Variants in GRID2 observed in about 807,000 individuals in gnomAD.
GRID2 encodes the protein glutamate ionotropic receptor delta type subunit 2.
In GRID2, 33 loss-of-function variants were observed where a neutral mutation model predicts 114.8. The ratio of observed to expected loss-of-function variants is 0.29; its 90% CI spans 0.22 to 0.38. The LOEUF is 0.38. GRID2 is among the 10% of genes least tolerant of loss of function. The pLI is 1.00. For synonymous variants in GRID2, 505 were observed against 449.9 expected, an observed-to-expected ratio of 1.12 and a Z score of -1.55; for missense variants, 1,184 against 1,257.7, an observed-to-expected ratio of 0.94 and a Z score of 0.89.
At chr4:93,029,825 G>C (rs1442791166) in intron 2 of GRID2, among the ~76,000 whole-genome samples, 1 of 152,100 alleles carries the variant, frequency 6.6e-6, no homozygotes, top group East Asian at 1.9e-4. Flanking sequence ...CTTCTGCCCA[G>C]TCTCTCAAAA....
At chr4:93,801,534 G>T (rs1182209194) in intron 1 of GRID2, among the ~76,000 whole-genome samples, 1 of 151,920 alleles carries the variant, frequency 6.6e-6, no homozygotes, top group Admixed American at 6.5e-5. Flanking sequence ...TACACAAATG[G>T]ATTTACTGAT....
At chr4:93,749,416 A>G (rs926260522) in intron 14 of GRID2, among the ~76,000 whole-genome samples, 1 of 152,220 alleles carries the variant, frequency 6.6e-6, no homozygotes, top group Non-Finnish European at 1.5e-5. Context: ...GTGAAAGTTC[A>G]GTGACTGACA....
rs1757043394 is a variant in GRID2, at chr4:93,319,948, C to A, written c.1246-75659C>A. ...AAGCAAACCATCCAGGCTGCCCAGA[C>A]TTTTGACCTATAGAACTGTGAGATA... On this transcript the variant is annotated intron_variant, in intron 8 of 15. Coordinates refer to ENST00000282020, the MANE Select transcript of GRID2 (RefSeq NM_001510.4). 2.0e-5 allele frequency among the ~76,000 whole-genome samples: 3 copies of A among 152,174 alleles called. No homozygotes were observed. In the South Asian group the frequency reaches 6.2e-4, roughly 32 times the overall value.
intron 2 of GRID2, among the ~76,000 whole-genome samples, chr4:92,686,246 C>T (rs1246570778): frequency 1.3e-5 from 2 of 151,932 alleles, no homozygotes; most frequent in South Asian, 2.1e-4. Context: ...ATAGAGAAAG[C>T]ACATCACCAT....
chr4:92,974,164 G>T (rs147813496), intron 2 of GRID2, among the ~76,000 whole-genome samples: 1,656 of 152,190 alleles, frequency 0.011, 10 homozygotes, highest in Admixed American at 0.018. Flanking sequence ...TTAGAATGGC[G>T]ATCATTAAGA....
chr4:92,849,716 A>AG (rs1743617714), intron 2 of GRID2, among the ~76,000 whole-genome samples: 1 of 151,824 alleles, frequency 6.6e-6, no homozygotes, highest in Non-Finnish European at 1.5e-5. Flanking sequence ...CCAAGACATT[A>AG]TAATCTCTAC....
intron 13 of GRID2, among the ~76,000 whole-genome samples, chr4:93,593,330 A>G (rs1578343902): frequency 7.2e-6 from 1 of 139,642 alleles, no homozygotes; most frequent in East Asian, 2.0e-4. Context: ...GTTTGGCTGG[A>G]TATGAAATTC....
intron 4 of GRID2, among the ~76,000 whole-genome samples, chr4:93,154,279 A>G (rs950098074): frequency 6.6e-6 from 1 of 152,048 alleles, no homozygotes; most frequent in African/African-American, 2.4e-5. Flanking sequence ...TGCAGCTTCA[A>G]ACCCTCCAGT....
intron 2 of GRID2, among the ~76,000 whole-genome samples, chr4:92,909,563 T>G (rs577547874): frequency 2.9e-4 from 44 of 152,236 alleles, no homozygotes; most frequent in South Asian, 6.2e-4. Context: ...ATTTCCACAT[T>G]CTAGGAAACT....
intron 14 of GRID2, among the ~76,000 whole-genome samples, chr4:93,752,964 T>C (rs1732453723): frequency 6.6e-6 from 1 of 152,152 alleles, no homozygotes; most frequent in African/African-American, 2.4e-5. Context: ...GATCATACCC[T>C]GACTTATCAT....
At chr4:93,386,394 C>T (rs1764315545) in intron 8 of GRID2, among the ~76,000 whole-genome samples, 1 of 152,068 alleles carries the variant, frequency 6.6e-6, no homozygotes, top group Non-Finnish European at 1.5e-5. Context: ...TGGCACAATA[C>T]CTGCCTCATA....
intron 13 of GRID2, among the ~76,000 whole-genome samples, chr4:93,603,235 G>A (rs1017174103): frequency 1.3e-5 from 2 of 151,990 alleles, no homozygotes; most frequent in African/African-American, 4.8e-5. Context: ...GAAAAGAAAA[G>A]AAAAGAACGT....
chr4:92,316,062 A>G (rs1725964789), intron 1 of GRID2, among the ~76,000 whole-genome samples: 1 of 151,854 alleles, frequency 6.6e-6, no homozygotes, highest in Non-Finnish European at 1.5e-5. Flanking sequence ...TTTAAAGCGA[A>G]TTAAAATCCA....
At chr4:92,365,614 A>G (rs750118020) in intron 1 of GRID2, among the ~76,000 whole-genome samples, 1 of 152,058 alleles carries the variant, frequency 6.6e-6, no homozygotes, top group Non-Finnish European at 1.5e-5. Flanking sequence ...ATATTGTATT[A>G]TATATTTCAA....
rs141211552 is a variant in GRID2 at position 93,461,483 on chromosome 4, A to G, written c.1858+5509A>G. 8.6e-4 allele frequency among the ~76,000 whole-genome samples: 131 copies of G among 152,262 alleles called. 1 individual carries two copies. Among genetic ancestry groups the G allele is most frequent in the African/African-American group, 3.1e-3 (128 of 41,590 alleles). ...GAATTGCAGTCTTCATTGAGCCACT[A>G]TACCAGATTGAATAGGGATAAAGAG... On this transcript the variant is annotated intron_variant, in intron 11 of 15. Coordinates refer to ENST00000282020, the MANE Select transcript of GRID2 (RefSeq NM_001510.4).
chr4:92,734,254 T>A (rs1304321456), intron 2 of GRID2, among the ~76,000 whole-genome samples: 1 of 152,060 alleles, frequency 6.6e-6, no homozygotes, highest in East Asian at 1.9e-4. Flanking sequence ...TAAATGTGCA[T>A]CACTCTATTT....
At chr4:93,180,976 A>G (rs925917502) in intron 4 of GRID2, among the ~76,000 whole-genome samples, 6 of 152,196 alleles carry the variant, frequency 3.9e-5, no homozygotes, top group Non-Finnish European at 4.4e-5. Context: ...CTCATGAATC[A>G]TGAATATTCT....
chr4:93,362,364 G>T (rs1319182963), intron 8 of GRID2, among the ~76,000 whole-genome samples: 1 of 151,976 alleles, frequency 6.6e-6, no homozygotes, highest in African/African-American at 2.4e-5. Flanking sequence ...TAGGCAGGCA[G>T]TGTGTCCCTG....
chr4:93,166,632 C>T (rs574550766), intron 4 of GRID2, among the ~76,000 whole-genome samples: 1 of 152,222 alleles, frequency 6.6e-6, no homozygotes, highest in Admixed American at 6.6e-5. Context: ...TTAACAATCA[C>T]TGCTTTATGA....
Sources: gnomAD v4.1 joint callset for allele counts (sites outside exome capture counted in the v4.1 genomes callset) on GRCh38, gnomAD v4.1.1 for gene constraint, MANE v1.5 for transcripts, NCBI Gene and HGNC (gene_info 2026-07-23, HGNC 2026-07-21) for gene names.